SLC12A5: variants seen among roughly 807,000 people sequenced by gnomAD.
The protein encoded by SLC12A5 is solute carrier family 12 member 5, also known as K-Cl cotransporter 2.
A neutral mutation model predicts 124.0 loss-of-function variants in SLC12A5; 18 were observed. The observed-to-expected ratio is 0.15, with a 90% CI of 0.10 to 0.22. SLC12A5 has a LOEUF of 0.22. SLC12A5 is among the 10% of genes least tolerant of loss of function. The pLI, the probability that SLC12A5 is intolerant of heterozygous loss-of-function variation, is 1.00. For missense variants in SLC12A5, 867 were observed against 1,478.7 expected, an observed-to-expected ratio of 0.59 and a Z score of 6.78; for synonymous variants, 589 against 568.0, an observed-to-expected ratio of 1.04 and a Z score of -0.53.
chr20:46,035,366 T>G, intron 2 of SLC12A5, 38 bp from the exon 3 acceptor site: 4 of 1,587,628 alleles, frequency 2.5e-6, no homozygotes, highest in Non-Finnish European at 3.4e-6. Flanking sequence ...CTCCACTTGC[T>G]CCCCCAGCCT....
Position 46,053,688 on chromosome 20 carries a change from G to A in SLC12A5, c.2658G>A (p.Ala886=), listed in dbSNP as rs546939045. Reference sequence around the variant, plus strand: ...TTCTGTATCATTTACGCATCACTGCGGAGGTCGAGGTGGTGGAGATGGTGA... The same window carrying A: ...TTCTGTATCATTTACGCATCACTGCAGAGGTCGAGGTGGTGGAGATGGTGA... ...TTFLYHLRIT[A]EVEVVEMHES... Residue 886 remains alanine (A), a synonymous_variant, in exon 20 of 26, where the codon GCG becomes GCA. Transcript: ENST00000243964. This position sits in a 1 kb window ranked among gnomAD's most constrained non-coding sequence, Gnocchi z 4.7. 36 of 1,601,744 alleles carry A rather than the reference G, an allele frequency of 2.2e-5. No homozygotes were observed. In the South Asian group the frequency reaches 2.6e-4, roughly 11 times the overall value.
At chr20:46,041,256 C>G (rs2084544412) in intron 7 of SLC12A5, 73 bp from the exon 8 acceptor site, 2 of 1,346,294 alleles carry the variant, frequency 1.5e-6, no homozygotes, top group Admixed American at 3.6e-5. Context: ...TAAAAGGTCT[C>G]CCGGTGGCTG....
Position 46,057,093 on chromosome 20 carries a change from G to C in SLC12A5, c.3126-77G>C. Reference sequence around the variant, plus strand: ...GAACCAGTCCCCAGCAGCCCAGTTCGGGCTGGAAGGGCGACTGGCTCCAAT... The same window carrying C: ...GAACCAGTCCCCAGCAGCCCAGTTCCGGCTGGAAGGGCGACTGGCTCCAAT... On this transcript the variant is annotated intron_variant, in intron 24 of 25. Transcript: ENST00000243964. The surrounding 1 kb of genome is among the most constrained non-coding windows in gnomAD (Gnocchi z 7.1). The C allele has an allele frequency of 1.9e-6, 3 of 1,603,836 alleles. No homozygotes were observed. The highest frequency in any genetic ancestry group is 2.6e-6 in the Non-Finnish European group (3 of 1,172,814).
intron 4 of SLC12A5, chr20:46,036,328 A>G (rs1196782465): frequency 4.2e-6 from 1 of 238,450 alleles, no homozygotes; most frequent in Admixed American, 5.0e-5. Context: ...AATATTCGCC[A>G]AACACCTACT....
exon 3 of SLC12A5, chr20:46,023,475 A>G (rs1300650462): frequency 5.0e-6 from 2 of 398,644 alleles, no homozygotes; most frequent in African/African-American, 2.1e-5. Flanking sequence ...CAAGCCTCAC[A>G]TGGCCACGAC....
chr20:46,026,137 A>G (rs2084396612), upstream of SLC12A5, among the ~76,000 whole-genome samples: 1 of 152,194 alleles, frequency 6.6e-6, no homozygotes, highest in Non-Finnish European at 1.5e-5. Flanking sequence ...ATTTCACAAT[A>G]AGTGGAGAGT....
upstream of SLC12A5, chr20:46,021,765 C>T: frequency 6.5e-6 from 10 of 1,533,988 alleles, no homozygotes; most frequent in Non-Finnish European, 8.7e-6. Flanking sequence ...CTTTCCGCGC[C>T]ATGAGCCGCA....
chr20:46,047,665 G>A, intron 15 of SLC12A5, 92 bp downstream of exon 15: 2 of 1,496,496 alleles, frequency 1.3e-6, no homozygotes, highest in Non-Finnish European at 1.8e-6. Context: ...TGGGGTGGTG[G>A]GGGTGAGATG....
rs1307729922 is a variant in SLC12A5, at chr20:46,060,094, AC to A, written c.*2490del. 1 of 153,590 alleles carries A rather than the reference AC, an allele frequency of 6.5e-6. No homozygotes were observed. Among genetic ancestry groups the A allele is most frequent in the Non-Finnish European group, 1.5e-5 (1 of 68,818 alleles). The allele number at this position is 153,590 out of a possible 1,614,324, so 9.5% of individuals were successfully genotyped here. Reference sequence around the variant, plus strand: ...AATGCTTTATGGCTTTTACTGTGTTACTTTTTTAGACTCCCGTCTGCACAAA... The same window carrying A: ...AATGCTTTATGGCTTTTACTGTGTTATTTTTTAGACTCCCGTCTGCACAAA... On this transcript the variant is annotated 3_prime_UTR_variant, in exon 26 of 26. Transcript: ENST00000243964.
chr20:46,027,628 C>CTGTTTGTT (rs72102685), upstream of SLC12A5: 1 of 151,316 alleles, frequency 6.6e-6, no homozygotes, highest in Admixed American at 6.6e-5. Flanking sequence ...GATGTAGTGC[C>CTGTTTGTT]TGTTTGTTTG....
intron 13 of SLC12A5, 141 bp downstream of exon 13, chr20:46,046,137 G>A (rs1011431907): frequency 2.2e-6 from 2 of 894,032 alleles, no homozygotes; most frequent in Non-Finnish European, 3.6e-6. Flanking sequence ...CCCATCGTTT[G>A]TTATAGAGAG....
intron 1 of SLC12A5, among the ~76,000 whole-genome samples, chr20:46,031,043 C>A (rs1316269897): frequency 6.6e-5 from 10 of 152,180 alleles, no homozygotes; most frequent in Admixed American, 1.3e-4. Context: ...GGATCCCCTT[C>A]AGATGCCTCC....
At chr20:46,030,358 C>T (rs1310282188) in intron 1 of SLC12A5, among the ~76,000 whole-genome samples, 1 of 152,216 alleles carries the variant, frequency 6.6e-6, no homozygotes, top group African/African-American at 2.4e-5. Flanking sequence ...TCGCAAGGAG[C>T]CGAGGGGCTT....
At chr20:46,049,576 G>A in intron 16 of SLC12A5, 46 bp from the exon 17 acceptor site, 1 of 1,565,774 alleles carries the variant, frequency 6.4e-7, no homozygotes, top group East Asian at 2.4e-5. Flanking sequence ...TGTGTGGATG[G>A]TTGGTTACAT....
chr20:46,022,835 G>A, intron 1 of SLC12A5: 1 of 399,372 alleles, frequency 2.5e-6, no homozygotes, highest in South Asian at 1.3e-4. Context: ...TCCTGGGCGC[G>A]TGCACAGTCT....
chr20:46,046,321 G>T lies in SLC12A5; in HGVS notation c.1689-17G>T. The stretch of plus-strand genomic sequence containing the variant: ...CCTTTGCATCTCTGTCTCCCCTGGG[G>T]CCTTCCTGTGTTCCAGGTTCTTCCT... On this transcript the variant is annotated splice_polypyrimidine_tract_variant and intron_variant, in intron 13 of 25. Transcript: ENST00000243964. 1 of 1,610,444 alleles carries T rather than the reference G, an allele frequency of 6.2e-7. No homozygotes were observed. Among genetic ancestry groups the T allele is most frequent in the East Asian group, 2.2e-5 (1 of 44,872 alleles).
At chr20:46,033,230 G>A (rs1175532426) in intron 1 of SLC12A5, among the ~76,000 whole-genome samples, 1 of 152,166 alleles carries the variant, frequency 6.6e-6, no homozygotes, top group Non-Finnish European at 1.5e-5. Flanking sequence ...GCAGACGGAT[G>A]GAGATGGGGA....
chr20:46,048,965 G>A (rs2084624629), intron 16 of SLC12A5, among the ~76,000 whole-genome samples: 1 of 151,990 alleles, frequency 6.6e-6, no homozygotes, highest in Non-Finnish European at 1.5e-5. Context: ...TCTTAGCCCT[G>A]GGTGCTGCAT....
In SLC12A5 at chr20:46,057,416, C is replaced by T. The variant is rs893437110; in HGVS notation, c.3260-98C>T. On this transcript the variant is annotated intron_variant, in intron 25 of 25. Transcript: ENST00000243964. The surrounding 1 kb of genome is among the most constrained non-coding windows in gnomAD (Gnocchi z 7.1). ...CCTGCCTCCGGATCAGCACCTCGGACAGGGACACGGGCGCGAGAGGTCCCC... is the reference window on the plus strand; with the variant it reads ...CCTGCCTCCGGATCAGCACCTCGGATAGGGACACGGGCGCGAGAGGTCCCC... 3 of 1,603,878 alleles carry T rather than the reference C, an allele frequency of 1.9e-6. No homozygotes were observed. Among genetic ancestry groups the T allele is most frequent in the Non-Finnish European group, 2.6e-6 (3 of 1,170,988 alleles).
Sources: gnomAD v4.1 joint callset for allele counts (sites outside exome capture counted in the v4.1 genomes callset) on GRCh38, gnomAD v4.1.1 for gene constraint, Gnocchi (gnomAD v3.1) non-coding constraint, MANE v1.5 for transcripts, NCBI Gene and HGNC (gene_info 2026-07-23, HGNC 2026-07-21) for gene names.